ERC1: variants seen among roughly 807,000 people sequenced by gnomAD.
ERC1 encodes RAB6 interacting protein 2.
In ERC1, 56 loss-of-function variants were observed where a neutral mutation model predicts 132.0. The observed-to-expected ratio is 0.42, with a 90% confidence interval of 0.34 to 0.53. The LOEUF (loss-of-function observed/expected upper bound fraction) is 0.53, where lower values mean the gene tolerates loss of function less well. Ranked by LOEUF, ERC1 falls within the 20% of genes least tolerant of loss-of-function variation. ERC1 has a pLI of 0.03. For synonymous variants in ERC1, 478 were observed against 476.1 expected (o/e 1.00, Z -0.05); for missense variants, 1,202 against 1,349.9 (o/e 0.89, Z 1.72).
At chr12:1,006,136 T>C (rs1254658983) in intron 1 of ERC1, among the ~76,000 whole-genome samples, 1 of 152,038 alleles carries the variant, frequency 6.6e-6, no homozygotes, top group Non-Finnish European at 1.5e-5. Flanking sequence ...TTTGTATTTT[T>C]AGTAGAGACG....
At chr12:1,469,819 T>C (rs933552742) in intron 18 of ERC1, among the ~76,000 whole-genome samples, 7 of 152,172 alleles carry the variant, frequency 4.6e-5, no homozygotes, top group Non-Finnish European at 8.8e-5. Context: ...GTTTTCCCTT[T>C]AGCAATCCAA....
At chr12:1,171,782 C>T (rs58442382) in intron 8 of ERC1, among the ~76,000 whole-genome samples, 2 of 152,150 alleles carry the variant, frequency 1.3e-5, no homozygotes, top group Non-Finnish European at 2.9e-5. Flanking sequence ...GTCTCTTCTG[C>T]GTTTGCCCAG....
At chr12:1,377,961 CA>C (rs1490093719) in intron 16 of ERC1, among the ~76,000 whole-genome samples, 1 of 152,128 alleles carries the variant, frequency 6.6e-6, no homozygotes, top group Non-Finnish European at 1.5e-5. Flanking sequence ...TTTTGGTGGA[CA>C]TGTTCTTTGA....
intron 1 of ERC1, among the ~76,000 whole-genome samples, chr12:992,889 T>C (rs1565730982): frequency 6.6e-6 from 1 of 152,180 alleles, no homozygotes; most frequent in Non-Finnish European, 1.5e-5. Context: ...TGTCAGAAAG[T>C]GGGATTTAAG....
intron 7 of ERC1, among the ~76,000 whole-genome samples, chr12:1,137,652 C>G (rs1420349962): frequency 6.6e-6 from 1 of 150,972 alleles, no homozygotes; most frequent in Admixed American, 6.6e-5. Flanking sequence ...GAGTTCGAGA[C>G]CAGCCTGGCC....
chr12:1,223,428 G>A (rs1413471497), intron 12 of ERC1, among the ~76,000 whole-genome samples: 1 of 152,100 alleles, frequency 6.6e-6, no homozygotes, highest in Non-Finnish European at 1.5e-5. Flanking sequence ...ATATCCCCTG[G>A]GAACCTCGTT....
intron 8 of ERC1, among the ~76,000 whole-genome samples, chr12:1,148,429 TCCTC>T (rs1483346341): frequency 1.3e-5 from 2 of 152,100 alleles, no homozygotes; most frequent in Admixed American, 1.3e-4. Flanking sequence ...TCTTTGTCCT[TCCTC>T]TTCATCCTTC....
intron 12 of ERC1, among the ~76,000 whole-genome samples, chr12:1,195,544 G>C (rs1956138807): frequency 6.6e-6 from 1 of 152,168 alleles, no homozygotes; most frequent in South Asian, 2.1e-4. Context: ...AAACCACAGG[G>C]AGGCTTCTGG....
intron 2 of ERC1, among the ~76,000 whole-genome samples, chr12:1,042,663 A>T (rs543152925): frequency 2.0e-4 from 31 of 151,290 alleles, no homozygotes; most frequent in Admixed American, 7.9e-4. Flanking sequence ...TTTTTTTTTT[A>T]AACCCAGTTG....
At chr12:1,336,100 GTAA>G (rs1170955163) in intron 15 of ERC1, among the ~76,000 whole-genome samples, 1 of 151,954 alleles carries the variant, frequency 6.6e-6, no homozygotes. Flanking sequence ...TGTGGGTTCG[GTAA>G]TAATATCCTT....
chr12:1,329,372 C>G (rs528410187), intron 15 of ERC1, among the ~76,000 whole-genome samples: 1 of 148,480 alleles, frequency 6.7e-6, no homozygotes, highest in East Asian at 2.0e-4. Flanking sequence ...ATCTAATAAT[C>G]TCAAAATAAT....
intron 14 of ERC1, among the ~76,000 whole-genome samples, chr12:1,267,897 T>C (rs1194298930): frequency 2.0e-5 from 3 of 152,258 alleles, no homozygotes; most frequent in Non-Finnish European, 4.4e-5. Flanking sequence ...ATTTGGCTTA[T>C]AAAGTATAAA....
At chr12:1,165,261 T>G (rs1028378868) in intron 8 of ERC1, among the ~76,000 whole-genome samples, 1 of 152,144 alleles carries the variant, frequency 6.6e-6, no homozygotes, top group Non-Finnish European at 1.5e-5. Context: ...CAAGACTGCC[T>G]TTTAGAAGAT....
intron 7 of ERC1, among the ~76,000 whole-genome samples, chr12:1,120,833 C>T (rs1220879043): frequency 6.6e-6 from 1 of 152,146 alleles, no homozygotes; most frequent in Non-Finnish European, 1.5e-5. Context: ...AGGAGATCAG[C>T]ATCTAGCACA....
chr12:1,117,129 A>G (rs1017760802), intron 7 of ERC1, among the ~76,000 whole-genome samples: 3 of 152,220 alleles, frequency 2.0e-5, no homozygotes, highest in African/African-American at 7.2e-5. Flanking sequence ...TTAAGAATAG[A>G]TAAGTAGTTT....
At chr12:1,252,140 C>A (rs776992397) in intron 13 of ERC1, among the ~76,000 whole-genome samples, 4 of 152,032 alleles carry the variant, frequency 2.6e-5, no homozygotes, top group Non-Finnish European at 5.9e-5. Context: ...GTGTTAGGAA[C>A]GTTATAATTC....
intron 13 of ERC1, among the ~76,000 whole-genome samples, chr12:1,243,165 G>T (rs1193689144): frequency 1.4e-5 from 2 of 145,764 alleles, no homozygotes; most frequent in Admixed American, 6.9e-5. Context: ...CCGCAGTCCG[G>T]CCTGGGCGAC....
intron 4 of ERC1, 143 bp from the exon 5 acceptor site, chr12:1,110,049 G>A (rs1286011462): frequency 1.0e-5 from 7 of 670,534 alleles, no homozygotes; most frequent in Non-Finnish European, 1.7e-5. Flanking sequence ...TCAAAAAAAG[G>A]AAGCAAGGCA....
At chr12:1,010,866 G>A (rs551007987) in intron 1 of ERC1, among the ~76,000 whole-genome samples, 1 of 152,090 alleles carries the variant, frequency 6.6e-6, no homozygotes, top group East Asian at 1.9e-4. Context: ...TCATCTTCTG[G>A]CAGTGTGCCA....
Sources: allele counts gnomAD v4.1 joint callset (sites outside exome capture counted in the v4.1 genomes callset), GRCh38; gene constraint gnomAD v4.1.1; transcripts MANE v1.5; gene names NCBI Gene and HGNC (gene_info 2026-07-23, HGNC 2026-07-21).